Variants in ROBO2 observed in about 807,000 individuals in gnomAD.
The protein encoded by ROBO2 is roundabout homolog 2.
Under a neutral mutation model 160.8 loss-of-function variants are expected in ROBO2, and 53 were observed. That is an observed-to-expected ratio of 0.33 (90% CI 0.26 to 0.41). The LOEUF (loss-of-function observed/expected upper bound fraction) is 0.41, where lower values mean the gene tolerates loss of function less well. ROBO2 is among the 10% of genes least tolerant of loss of function. The pLI is 1.00. For synonymous variants in ROBO2, 664 were observed against 611.7 expected, an observed-to-expected ratio of 1.09 and a Z score of -1.26; for missense variants, 1,577 against 1,722.4, an observed-to-expected ratio of 0.92 and a Z score of 1.49.
rs1441960 is a variant in ROBO2 at position 77,288,226 on chromosome 3, C to T, written c.389-189188C>T. Among the ~76,000 whole-genome samples the T allele has an allele frequency of 3.9e-5, 6 of 152,056 alleles. No homozygotes were observed. In the South Asian group the frequency reaches 8.3e-4, roughly 21 times the overall value. ...TTTCGATGGCAAGAATCAGAGGAAC[C>T]GTTGTTAGTGAAAATGTGTTTGGAA... On this transcript the variant is annotated intron_variant, in intron 2 of 25. Coordinates refer to ENST00000461745, the Ensembl canonical transcript of ROBO2.
chr3:76,143,530 C>T lies in ROBO2; in HGVS notation c.109+205928C>T, dbSNP rs140977181. Among the ~76,000 whole-genome samples the T allele has an allele frequency of 4.5e-3, 682 of 152,072 alleles. 12 individuals carry two copies. The highest frequency in any genetic ancestry group is 0.041 in the Admixed American group (630 of 15,252). The stretch of plus-strand genomic sequence containing the variant: ...GCATATCTCTATTGGTAGATCATGC[C>T]ATGAACTAGCAATACTCTCTCTACT... On this transcript the variant is annotated intron_variant, in intron 2 of 26. Transcript: ENST00000487694.
At chr3:76,679,818 A>G (rs926692096) in intron 2 of ROBO2, among the ~76,000 whole-genome samples, 1 of 152,166 alleles carries the variant, frequency 6.6e-6, no homozygotes, top group Admixed American at 6.5e-5. Flanking sequence ...AAGTTGCAGT[A>G]ATTATTTTCT....
intron 2 of ROBO2, among the ~76,000 whole-genome samples, chr3:77,464,638 T>A (rs2153574761): frequency 6.6e-6 from 1 of 152,196 alleles, no homozygotes; most frequent in East Asian, 1.9e-4. Flanking sequence ...AGTGTTAGTT[T>A]GGAAGGTAAA....
At chr3:76,668,057 G>T (rs2092120773) in intron 2 of ROBO2, among the ~76,000 whole-genome samples, 1 of 152,022 alleles carries the variant, frequency 6.6e-6, no homozygotes, top group Admixed American at 6.6e-5. Context: ...TTATGAATTT[G>T]AAAAATCCCC....
intron 2 of ROBO2, among the ~76,000 whole-genome samples, chr3:76,760,767 A>G (rs2108367053): frequency 6.6e-6 from 1 of 151,928 alleles, no homozygotes; most frequent in East Asian, 2.0e-4. Flanking sequence ...TTAGCTGATA[A>G]CAAACATGAT....
At chr3:77,459,704 A>G (rs961336543) in intron 2 of ROBO2, among the ~76,000 whole-genome samples, 3 of 152,136 alleles carry the variant, frequency 2.0e-5, no homozygotes. Flanking sequence ...GATTTGACTA[A>G]AAGAACAGGA....
In ROBO2 at chr3:77,533,724, G is replaced by C. The variant is rs1279935030; in HGVS notation, c.934+10822G>C. On this transcript the variant is annotated intron_variant, in intron 6 of 25. Transcript: ENST00000461745. ...CTGATTTAAAGATCCAGAGTATTAA[G>C]TAAGGCGCAGCTGATGAATCAACCC... Among the ~76,000 whole-genome samples the C allele has an allele frequency of 2.0e-5, 3 of 152,094 alleles. No homozygotes were observed. In the East Asian group the frequency reaches 5.8e-4, roughly 29 times the overall value.
At chr3:76,055,481 C>A (rs539653948) in intron 2 of ROBO2, among the ~76,000 whole-genome samples, 4 of 152,270 alleles carry the variant, frequency 2.6e-5, no homozygotes, top group African/African-American at 7.2e-5. Context: ...AGTTTATTAA[C>A]CCTCATTCCC....
chr3:76,195,788 A>G (rs1265985459), intron 2 of ROBO2, among the ~76,000 whole-genome samples: 1 of 152,142 alleles, frequency 6.6e-6, no homozygotes, highest in Non-Finnish European at 1.5e-5. Flanking sequence ...AGCATTTCCT[A>G]AGATAATTAT....
intron 2 of ROBO2, among the ~76,000 whole-genome samples, chr3:76,504,281 C>T (rs969484199): frequency 6.6e-5 from 10 of 152,194 alleles, no homozygotes; most frequent in South Asian, 2.1e-4. Flanking sequence ...CTGCCTCTTC[C>T]GCAAAAACAC....
At chr3:76,507,958 G>T (rs1028071791) in intron 2 of ROBO2, among the ~76,000 whole-genome samples, 1 of 152,044 alleles carries the variant, frequency 6.6e-6, no homozygotes, top group Non-Finnish European at 1.5e-5. Context: ...TTTACAAAGG[G>T]TTGTATAATG....
intron 2 of ROBO2, among the ~76,000 whole-genome samples, chr3:77,354,798 A>G (rs535991110): frequency 6.6e-6 from 1 of 152,316 alleles, no homozygotes; most frequent in Admixed American, 6.5e-5. Flanking sequence ...AAAGTCACAC[A>G]TGGCTGGGAC....
At chr3:77,349,798 C>G (rs2068098858) in intron 2 of ROBO2, among the ~76,000 whole-genome samples, 1 of 151,920 alleles carries the variant, frequency 6.6e-6, no homozygotes. Flanking sequence ...TTCAGAGAGG[C>G]CTTTCTTTGT....
chr3:76,243,816 A>T (rs1160928087), intron 2 of ROBO2, among the ~76,000 whole-genome samples: 1 of 152,196 alleles, frequency 6.6e-6, no homozygotes, highest in Non-Finnish European at 1.5e-5. Context: ...ACTTATGGAG[A>T]TTAAAAGCTC....
intron 2 of ROBO2, among the ~76,000 whole-genome samples, chr3:76,324,769 C>A (rs1219970630): frequency 6.6e-6 from 1 of 152,128 alleles, no homozygotes; most frequent in Admixed American, 6.6e-5. Flanking sequence ...TTACTACATG[C>A]AATTTCTCTG....
chr3:76,439,815 A>G (rs1232648508), intron 2 of ROBO2, among the ~76,000 whole-genome samples: 1 of 151,946 alleles, frequency 6.6e-6, no homozygotes, highest in African/African-American at 2.4e-5. Flanking sequence ...ATTTCCTCCT[A>G]CCCTCTTTCT....
At chr3:77,220,094 T>G (rs1318495960) in intron 2 of ROBO2, among the ~76,000 whole-genome samples, 1 of 152,094 alleles carries the variant, frequency 6.6e-6, no homozygotes, top group East Asian at 1.9e-4. Context: ...CACTGCAACC[T>G]CCGCCTCTTG....
chr3:77,108,804 G>A (rs945548615), intron 2 of ROBO2, among the ~76,000 whole-genome samples: 6 of 152,172 alleles, frequency 3.9e-5, no homozygotes, highest in African/African-American at 1.4e-4. Flanking sequence ...AGCTTAATTG[G>A]GGAGTAGATG....
intron 2 of ROBO2, among the ~76,000 whole-genome samples, chr3:76,006,180 T>C (rs1389023802): frequency 1.3e-5 from 2 of 152,154 alleles, no homozygotes; most frequent in Admixed American, 6.5e-5. Context: ...CATCAAGTTG[T>C]TCTTGAATAT....
Sources: gnomAD v4.1 joint callset for allele counts (sites outside exome capture counted in the v4.1 genomes callset) on GRCh38, gnomAD v4.1.1 for gene constraint, MANE v1.5 for transcripts, NCBI Gene and HGNC (gene_info 2026-07-23, HGNC 2026-07-21) for gene names.